Variants in BLTP1 observed in about 807,000 individuals in gnomAD.
The protein encoded by BLTP1 is bridge-like lipid transfer protein family member 1, also known as fragile site-associated protein.
the BLTP1 span, among the ~76,000 whole-genome samples, chr4:122,231,013 A>G: frequency 6.6e-6 from 1 of 152,202 alleles, no homozygotes. Context: ...TAAACAAATG[A>G]TAATACATTA....
chr4:122,334,380 C>T, the BLTP1 span: 1 of 1,609,498 alleles, frequency 6.2e-7, no homozygotes, highest in Non-Finnish European at 8.5e-7. Context: ...GACTGAATCA[C>T]CTAATGCCTC....
At chr4:122,301,209 A>G in the BLTP1 span, 13 of 1,385,040 alleles carry the variant, frequency 9.4e-6, no homozygotes, top group Non-Finnish European at 1.2e-5. Context: ...AGTAAAAAGA[A>G]AATATTTTGT....
chr4:122,162,403 A>T, the BLTP1 span: 1 of 349,506 alleles, frequency 2.9e-6, no homozygotes, highest in African/African-American at 2.2e-5. Flanking sequence ...TATTTGTTTC[A>T]GAGGAGCCAT....
At chr4:122,274,457 T>A in the BLTP1 span, 1 of 1,583,492 alleles carries the variant, frequency 6.3e-7, no homozygotes, top group Non-Finnish European at 8.5e-7. Flanking sequence ...CAGTTTTTAT[T>A]TTCTTACACT....
At chr4:122,209,349 A>G in the BLTP1 span, 3 of 1,609,454 alleles carry the variant, frequency 1.9e-6, no homozygotes, top group Non-Finnish European at 2.5e-6. Context: ...TGAGTACGTA[A>G]AATTAGTGAC....
At chr4:122,347,669 A>G in the BLTP1 span, 10 of 1,613,740 alleles carry the variant, frequency 6.2e-6, no homozygotes, top group African/African-American at 1.3e-5. Flanking sequence ...AATGTGTTCA[A>G]TGAGCATATG....
chr4:122,310,474 G>T, the BLTP1 span, among the ~76,000 whole-genome samples: 1 of 152,100 alleles, frequency 6.6e-6, no homozygotes, highest in African/African-American at 2.4e-5. Flanking sequence ...GGTTAAACCT[G>T]AGTATTTTTA....
At chr4:122,194,652 G>A in the BLTP1 span, 2 of 964,872 alleles carry the variant, frequency 2.1e-6, no homozygotes, top group Non-Finnish European at 2.5e-6. Context: ...CTTTAACATA[G>A]GGCCATGAAG....
the BLTP1 span, chr4:122,170,839 A>G: frequency 3.0e-6 from 2 of 671,774 alleles, no homozygotes; most frequent in Admixed American, 3.6e-5. Flanking sequence ...TTGGAACACT[A>G]ACACTACCAT....
At chr4:122,306,193 C>A in the BLTP1 span, 1 of 727,292 alleles carries the variant, frequency 1.4e-6, no homozygotes, top group Non-Finnish European at 2.1e-6. Flanking sequence ...AAAAATCTTG[C>A]TTTTTGCCTT....
the BLTP1 span, chr4:122,281,490 G>T: frequency 6.8e-7 from 1 of 1,481,252 alleles, no homozygotes. Context: ...CAATAAAATG[G>T]TACGTCCTGT....
the BLTP1 span, chr4:122,209,364 G>C: frequency 1.9e-6 from 3 of 1,604,178 alleles, no homozygotes; most frequent in Non-Finnish European, 2.6e-6. Context: ...AGTGACACAG[G>C]CCAGGCACAG....
the BLTP1 span, chr4:122,179,807 A>C: frequency 9.2e-6 from 9 of 980,618 alleles, no homozygotes; most frequent in Non-Finnish European, 1.1e-5. Context: ...GCATGCCCAC[A>C]CAAGTGCTAG....
the BLTP1 span, chr4:122,312,780 T>C: frequency 1.3e-6 from 1 of 766,034 alleles, no homozygotes; most frequent in Non-Finnish European, 1.6e-6. Context: ...TAATACCAAA[T>C]TACCTAAAAT....
chr4:122,210,044 CT>C, the BLTP1 span: 1 of 1,374,662 alleles, frequency 7.3e-7, no homozygotes, highest in Non-Finnish European at 9.5e-7. Context: ...TAAATATAGT[CT>C]TACATATTTT....
chr4:122,182,044 A>G, the BLTP1 span, among the ~76,000 whole-genome samples: 1 of 152,226 alleles, frequency 6.6e-6, no homozygotes, highest in East Asian at 1.9e-4. Flanking sequence ...AATTTAAAAA[A>G]GAACACTTAA....
chr4:122,317,829 G>A, the BLTP1 span, among the ~76,000 whole-genome samples: 8 of 151,950 alleles, frequency 5.3e-5, no homozygotes, highest in African/African-American at 1.2e-4. Context: ...CTCCAAAATC[G>A]TACCCAAGGC....
At chr4:122,308,074 A>C in the BLTP1 span, 1 of 1,613,528 alleles carries the variant, frequency 6.2e-7, no homozygotes. Flanking sequence ...TATCCAGCAA[A>C]CATCAGCCCA....
chr4:122,301,440 C>T, the BLTP1 span: 5 of 1,175,838 alleles, frequency 4.3e-6, no homozygotes, highest in Non-Finnish European at 4.8e-6. Flanking sequence ...TTTTTCTAAT[C>T]AATTAATATA....
Sources: allele counts gnomAD v4.1 joint callset (sites outside exome capture counted in the v4.1 genomes callset), GRCh38; gene constraint gnomAD v4.1.1; transcripts MANE v1.5; gene names NCBI Gene and HGNC (gene_info 2026-07-23, HGNC 2026-07-21).